PRICKLE2: variants seen among roughly 807,000 people sequenced by gnomAD.
PRICKLE2 encodes prickle planar cell polarity protein 2.
PRICKLE2 carries 21 observed loss-of-function variants against 81.4 expected under a neutral mutation model. The observed-to-expected ratio is 0.26, with a 90% CI of 0.18 to 0.37. The LOEUF (loss-of-function observed/expected upper bound fraction) is 0.37. Ranked by LOEUF, PRICKLE2 falls within the 10% of genes least tolerant of loss-of-function variation. PRICKLE2 has a pLI of 1.00. For missense variants in PRICKLE2, 940 were observed against 1,109.0 expected, an observed-to-expected ratio of 0.85 and a Z score of 2.16; for synonymous variants, 456 against 421.5, an observed-to-expected ratio of 1.08 and a Z score of -1.00.
intron 2 of PRICKLE2, among the ~76,000 whole-genome samples, chr3:64,235,598 A>C (rs1483579618): frequency 6.6e-6 from 1 of 152,162 alleles, no homozygotes; most frequent in African/African-American, 2.4e-5. Flanking sequence ...AGTTGAGCGA[A>C]GTCTGTTTCC....
chr3:64,144,016 T>C (rs1042989905), intron 7 of PRICKLE2, among the ~76,000 whole-genome samples: 1 of 150,868 alleles, frequency 6.6e-6, no homozygotes, highest in East Asian at 2.0e-4. Flanking sequence ...CTTGGACAAA[T>C]GGGAACACAG....
intron 7 of PRICKLE2, among the ~76,000 whole-genome samples, chr3:64,105,557 TC>T (rs1309501875): frequency 2.0e-5 from 3 of 152,212 alleles, no homozygotes; most frequent in Non-Finnish European, 4.4e-5. Flanking sequence ...AATACCATGA[TC>T]ACACCTGTCA....
chr3:64,255,391 C>T (rs988307494), intron 2 of PRICKLE2, among the ~76,000 whole-genome samples: 1 of 152,198 alleles, frequency 6.6e-6, no homozygotes, highest in African/African-American at 2.4e-5. Flanking sequence ...CAGGGCCCTC[C>T]ACTAAAGGGG....
At chr3:64,116,501 T>C (rs189534306) in intron 7 of PRICKLE2, among the ~76,000 whole-genome samples, 4 of 151,836 alleles carry the variant, frequency 2.6e-5, no homozygotes, top group Admixed American at 2.6e-4. Flanking sequence ...CAATCAGAAA[T>C]GACAAGAAGG....
At chr3:64,226,607 A>G (rs1179030848), upstream of PRICKLE2, among the ~76,000 whole-genome samples, 1 of 152,260 alleles carries the variant, frequency 6.6e-6, no homozygotes, top group Non-Finnish European at 1.5e-5. Context: ...ACTATGGTGA[A>G]GATTAACACA....
chr3:64,161,038 C>A (rs1476323080), intron 3 of PRICKLE2, among the ~76,000 whole-genome samples: 2 of 152,202 alleles, frequency 1.3e-5, no homozygotes, highest in Non-Finnish European at 2.9e-5. Context: ...TTGTTAGATT[C>A]TAGCTGGTCA....
chr3:64,111,889 A>G (rs1436405605), intron 7 of PRICKLE2, among the ~76,000 whole-genome samples: 3 of 152,124 alleles, frequency 2.0e-5, no homozygotes, highest in Non-Finnish European at 4.4e-5. Context: ...ATTTTTGCAT[A>G]TTTCTATTTG....
intron 2 of PRICKLE2, among the ~76,000 whole-genome samples, chr3:64,267,262 G>T (rs183886559): frequency 6.6e-6 from 1 of 152,160 alleles, no homozygotes; most frequent in East Asian, 1.9e-4. Context: ...GCTAGGAAGG[G>T]CTAGGAGAAG....
chr3:64,208,827 C>G (rs2078736351), intron 1 of PRICKLE2, among the ~76,000 whole-genome samples: 2 of 152,354 alleles, frequency 1.3e-5, no homozygotes, highest in Middle Eastern at 3.4e-3. Flanking sequence ...TCATCTGACT[C>G]TAAAACCAGT....
At chr3:64,169,949 C>A (rs1423493605) in intron 2 of PRICKLE2, among the ~76,000 whole-genome samples, 1 of 152,100 alleles carries the variant, frequency 6.6e-6, no homozygotes, top group Non-Finnish European at 1.5e-5. Flanking sequence ...CAAATGGGGA[C>A]CTGGAGGACC....
At chr3:64,265,742 T>C (rs145118399) in intron 2 of PRICKLE2, among the ~76,000 whole-genome samples, 7 of 152,242 alleles carry the variant, frequency 4.6e-5, no homozygotes, top group Non-Finnish European at 5.9e-5. Flanking sequence ...CACCACCAAA[T>C]TGGTGAGTGC....
chr3:64,146,722 G>T lies in PRICKLE2; in HGVS notation c.1660+108C>A, dbSNP rs1206867872. Reference sequence around the variant, plus strand: ...CGTGCCACTGCACTCCAGCCTGGGGGACAGAGCGAGACTCCATTTCAAAAA... The same window carrying T: ...CGTGCCACTGCACTCCAGCCTGGGGTACAGAGCGAGACTCCATTTCAAAAA... On this transcript the variant is annotated intron_variant, in intron 7 of 7. Coordinates refer to ENST00000638394, the MANE Select transcript of PRICKLE2 (RefSeq NM_198859.4). 3.1e-5 allele frequency: 39 copies of T among 1,251,652 alleles called. No homozygotes were observed. In the East Asian group the frequency reaches 9.1e-4, roughly 29 times the overall value. 77.5% of individuals were successfully genotyped at this position (1,251,652 alleles called of 1,614,324 possible).
intron 5 of PRICKLE2, among the ~76,000 whole-genome samples, chr3:64,156,000 G>T (rs546179876): frequency 3.9e-5 from 6 of 152,262 alleles, no homozygotes; most frequent in African/African-American, 1.4e-4. Flanking sequence ...TACTTTAAAA[G>T]GGTCCTTAAT....
intron 2 of PRICKLE2, among the ~76,000 whole-genome samples, chr3:64,261,260 G>T (rs2079611482): frequency 6.6e-6 from 1 of 152,138 alleles, no homozygotes; most frequent in Non-Finnish European, 1.5e-5. Flanking sequence ...GAAAGGAGGA[G>T]AGTAATAAAA....
At chr3:64,265,454 G>C (rs1050377632) in intron 2 of PRICKLE2, among the ~76,000 whole-genome samples, 4 of 152,156 alleles carry the variant, frequency 2.6e-5, no homozygotes, top group African/African-American at 9.7e-5. Context: ...CTTTATGATA[G>C]TGATAGGAAG....
At chr3:64,161,322 C>T (rs1297063843) in intron 3 of PRICKLE2, among the ~76,000 whole-genome samples, 1 of 152,196 alleles carries the variant, frequency 6.6e-6, no homozygotes, top group East Asian at 1.9e-4. Context: ...ATCCCGTCTC[C>T]TGTTATACTT....
At chr3:64,159,019 G>A (rs1316589765) in intron 4 of PRICKLE2, among the ~76,000 whole-genome samples, 1 of 152,138 alleles carries the variant, frequency 6.6e-6, no homozygotes, top group Non-Finnish European at 1.5e-5. Flanking sequence ...CAAGAATGAC[G>A]ATCAGCACTG....
At chr3:64,143,613 C>A (rs1393081471) in intron 7 of PRICKLE2, among the ~76,000 whole-genome samples, 1 of 152,170 alleles carries the variant, frequency 6.6e-6, no homozygotes, top group Non-Finnish European at 1.5e-5. Context: ...GCACATCTCC[C>A]CTCAGACAAT....
At chr3:64,158,656 G>A (rs1375837871) in intron 4 of PRICKLE2, among the ~76,000 whole-genome samples, 1 of 152,202 alleles carries the variant, frequency 6.6e-6, no homozygotes, top group Non-Finnish European at 1.5e-5. Context: ...CCAGGAGACT[G>A]ATCTGAGAGG....
Sources: gnomAD v4.1 joint callset for allele counts (sites outside exome capture counted in the v4.1 genomes callset) on GRCh38, gnomAD v4.1.1 for gene constraint, MANE v1.5 for transcripts, NCBI Gene and HGNC (gene_info 2026-07-23, HGNC 2026-07-21) for gene names.